The following REXO4 variants were observed in gnomAD, a reference collection of about 807,000 sequenced individuals.
REXO4 encodes the protein RNA exonuclease 4.
In REXO4, 29 loss-of-function variants were observed where a neutral mutation model predicts 39.9. The observed-to-expected ratio is 0.73, with a 90% confidence interval of 0.54 to 0.99. The LOEUF is 0.99. Ranked by LOEUF, REXO4 falls within the 50% of genes least tolerant of loss-of-function variation. REXO4 has a pLI of 0.00. For synonymous variants in REXO4, 184 were observed against 206.2 expected (o/e 0.89, Z 0.92); for missense variants, 524 against 546.5 (o/e 0.96, Z 0.41).
rs782780577 is a variant in REXO4 at position 133,417,880 on chromosome 9, C to T, written c.-36G>A. On this transcript the variant is annotated 5_prime_UTR_variant, in exon 1 of 8. Transcript: ENST00000371942. ...TCCAGCGCCTGGGCCGGCGGCCACC[C>T]GAGACCCCGGCCTCCCCGGGCCCGG... 6.3e-7 allele frequency: 1 copy of T among 1,585,674 alleles called. No individual in the cohort carries two copies. The highest frequency in any genetic ancestry group is 1.1e-5 in the South Asian group (1 of 90,510).
rs1588135487 is a variant in REXO4 at position 133,412,895 on chromosome 9, T to A, written c.599A>T (p.Asp200Val). 1.9e-6 allele frequency: 3 copies of A among 1,614,026 alleles called. No individual in the cohort carries two copies. The Middle Eastern group carries it at 4.9e-4, about 266-fold the overall frequency. The change falls in exon 3 of 8, where the codon GAC becomes GTC. Residue 200 changes from aspartate to valine, a missense_variant. Asp to Val is a radical substitution (Grantham distance 152). Transcript: ENST00000371942. Reference sequence around the variant, plus strand: ...TATGGCAGCTTCGATATCCGCTGGGTCCACGTCGTCAAACCAGATGTCTTC... The same window carrying A: ...TATGGCAGCTTCGATATCCGCTGGGACCACGTCGTCAAACCAGATGTCTTC... ...TEEDIWFDDV[D>V]PADIEAAIGP...
intron 4 of REXO4, 52 bp downstream of exon 4, chr9:133,412,247 C>A (rs977817058): frequency 3.6e-5 from 57 of 1,569,414 alleles, no homozygotes; most frequent in Admixed American, 5.0e-5. Context: ...AGGGAGAAAA[C>A]GAATCCAGTT....
Position 133,406,652 on chromosome 9 carries a change from G to A in REXO4, c.*301C>T, listed in dbSNP as rs1243781409. 4.7e-6 allele frequency: 2 copies of A among 428,284 alleles called. No individual in the cohort carries two copies. Among genetic ancestry groups the A allele is most frequent in the African/African-American group, 4.0e-5 (2 of 50,058 alleles). 26.5% of individuals were successfully genotyped at this position (428,284 alleles called of 1,614,324 possible). On this transcript the variant is annotated 3_prime_UTR_variant, in exon 8 of 8. Coordinates refer to ENST00000371942, the MANE Select transcript of REXO4 (RefSeq NM_020385.4). ...GCACCGTATGGACTGGCGGCCCACA[G>A]GCCCCAACCTCACCTGGCCCAGGGG...
In REXO4 at chr9:133,406,796, A is replaced by T; in HGVS notation, c.*157T>A. ...CCAGGTTTCAGACCACAAAGTCAAG[A>T]GGAAGGAGGACCTTCTCAGTAGCAC... On this transcript the variant is annotated 3_prime_UTR_variant, in exon 8 of 8. Transcript: ENST00000371942. 9.3e-7 allele frequency: 1 copy of T among 1,076,278 alleles called. No homozygotes were observed. The highest frequency in any genetic ancestry group is 1.3e-6 in the Non-Finnish European group (1 of 747,938). The allele number at this position is 1,076,278 out of a possible 1,614,324, so 66.7% of individuals were successfully genotyped here. A position where few individuals can be genotyped will look rare whatever the true frequency, so the allele number is the denominator to read the frequency against.
At position 133,414,667 on chromosome 9, in the gene REXO4, G is replaced by T; in HGVS notation, c.570C>A (p.Thr190=). 6.2e-7 allele frequency: 1 copy of T among 1,613,668 alleles called. No homozygotes were observed. Among genetic ancestry groups the T allele is most frequent in the Non-Finnish European group, 8.5e-7 (1 of 1,179,638 alleles). Residue 190 remains threonine (T), a splice_region_variant and synonymous_variant, in exon 2 of 8, where the codon ACC becomes ACA. Transcript: ENST00000371942. ...KAKEAAPAPP[T]EEDIWFDDVD... ...GTGGTGAGGTGGCCCATACTTACTC[G>T]GTGGGTGGGGCTGGGGCTGCCTCCT...
Position 133,408,760 on chromosome 9 carries a change from C to G in REXO4, c.1074+8G>C. The G allele has an allele frequency of 6.4e-7, 1 of 1,573,092 alleles. No homozygotes were observed. Among genetic ancestry groups the G allele is most frequent in the East Asian group, 2.2e-5 (1 of 44,642 alleles). On this transcript the variant is annotated splice_region_variant and intron_variant, in intron 6 of 7. Coordinates refer to ENST00000371942, the MANE Select transcript of REXO4 (RefSeq NM_020385.4). ...TACAGTATCTTGAGTCACACTCATT[C>G]TAAGTACCTTTACTTGACTCTTGAA...
chr9:133,408,246 G>A (rs1839019620), intron 6 of REXO4, among the ~76,000 whole-genome samples: 1 of 152,038 alleles, frequency 6.6e-6, no homozygotes, highest in East Asian at 1.9e-4. Flanking sequence ...TTGAACCCAG[G>A]AGTTTGAGAA....
intron 6 of REXO4, 71 bp downstream of exon 6, chr9:133,408,697 A>C (rs782632269): frequency 5.8e-6 from 6 of 1,031,750 alleles, no homozygotes; most frequent in Non-Finnish European, 8.9e-6. Flanking sequence ...GTCAGCCACC[A>C]GTGACCAGAA....
intron 4 of REXO4, among the ~76,000 whole-genome samples, chr9:133,411,841 G>T (rs905438463): frequency 6.6e-6 from 1 of 151,950 alleles, no homozygotes; most frequent in Non-Finnish European, 1.5e-5. Context: ...CAGGAGAATC[G>T]CTTGAACCCA....
At chr9:133,414,324 C>A in intron 2 of REXO4, 1 of 510,772 alleles carries the variant, frequency 2.0e-6, no homozygotes, top group South Asian at 1.6e-5. Flanking sequence ...TACCACAAGG[C>A]ACAGAGGACG....
At position 133,407,065 on chromosome 9, in the gene REXO4, T is replaced by C; in HGVS notation, c.1157A>G (p.Asp386Gly). ...VQQAEHCSIQ[D>G]AQAAMRLYVM... is the part of the protein sequence containing the mutation. The stretch of plus-strand genomic sequence containing the variant: ...GTACAGCCTCATTGCTGCCTGGGCA[T>C]CCTGAATCTAGACGACATGAAACAT... Residue 386 changes from aspartate to glycine, a missense_variant, in exon 8 of 8, where the codon GAT becomes GGT. Coordinates refer to ENST00000371942, the MANE Select transcript of REXO4 (RefSeq NM_020385.4). 1.9e-6 allele frequency: 3 copies of C among 1,613,038 alleles called. No homozygotes were observed. The highest frequency in any genetic ancestry group is 2.5e-6 in the Non-Finnish European group (3 of 1,179,990).
rs1554781217 is a variant in REXO4, at chr9:133,414,892, C to G, written c.345G>C (p.Lys115Asn). 1 of 1,614,050 alleles carries G rather than the reference C, an allele frequency of 6.2e-7. No individual in the cohort carries two copies. The highest frequency in any genetic ancestry group is 1.3e-5 in the African/African-American group (1 of 74,910). Residue 115 changes from lysine (K) to asparagine (N), a missense_variant, in exon 2 of 8, where the codon AAG becomes AAC. Lys to Asn is a moderately conservative substitution (Grantham distance 94, BLOSUM62 0). Transcript: ENST00000371942. ...CTTTTCCTGCCGGCATCTCCTCTCC[C>G]TTCACTTGAGGCGAGGTCTCTTTTT... ...QNKKETSPQV[K>N]GEEMPAGKDQ...
chr9:133,414,245 G>A (rs587647004), intron 2 of REXO4: 9 of 373,194 alleles, frequency 2.4e-5, no homozygotes, highest in African/African-American at 1.9e-4. Context: ...CCATCACAGG[G>A]TTGAAGTAAT....
At chr9:133,416,677 G>A (rs1839630537) in intron 1 of REXO4, among the ~76,000 whole-genome samples, 1 of 152,200 alleles carries the variant, frequency 6.6e-6, no homozygotes, top group South Asian at 2.1e-4. Context: ...TCACTAGGGA[G>A]ACAGCAGGTA....
intron 1 of REXO4, 58 bp downstream of exon 1, chr9:133,417,562 G>A: frequency 2.6e-6 from 4 of 1,563,108 alleles, no homozygotes; most frequent in African/African-American, 1.4e-5. Flanking sequence ...CTTTCCCTCC[G>A]TCGCGTTCTG....
At chr9:133,411,779 A>C (rs191916103) in intron 4 of REXO4, among the ~76,000 whole-genome samples, 1 of 152,068 alleles carries the variant, frequency 6.6e-6, no homozygotes, top group Non-Finnish European at 1.5e-5. Flanking sequence ...ATACAAAATT[A>C]GTCGGGTGTG....
intron 6 of REXO4, among the ~76,000 whole-genome samples, chr9:133,408,219 C>T (rs1301902989): frequency 6.6e-6 from 1 of 152,072 alleles, no homozygotes. Context: ...CTTAGGAGGC[C>T]AACGAGGGCA....
At chr9:133,414,276 G>A (rs1235707042) in intron 2 of REXO4, 1 of 404,768 alleles carries the variant, frequency 2.5e-6, no homozygotes, top group East Asian at 6.8e-5. Flanking sequence ...TGAGCCAAGA[G>A]TGCCAACCTC....
Position 133,414,847 on chromosome 9 carries a change from G to A in REXO4, c.390C>T (p.Gly130=). ...PAGKDQEASR[G]SVPSGSKMDR... ...CCATCTTGGAACCTGAAGGAACAGAGCCCCTGCTGGCCTCCTGGTCTTTTC... is the reference window on the plus strand; with the variant it reads ...CCATCTTGGAACCTGAAGGAACAGAACCCCTGCTGGCCTCCTGGTCTTTTC... Residue 130 remains glycine (G), a synonymous_variant, in exon 2 of 8, where the codon GGC becomes GGT. Transcript: ENST00000371942. 3 of 1,614,158 alleles carry A rather than the reference G, an allele frequency of 1.9e-6. No individual in the cohort carries two copies. Among genetic ancestry groups the A allele is most frequent in the Non-Finnish European group, 2.5e-6 (3 of 1,180,022 alleles).
Sources: gnomAD v4.1 joint callset for allele counts (sites outside exome capture counted in the v4.1 genomes callset) on GRCh38, gnomAD v4.1.1 for gene constraint, MANE v1.5 for transcripts, NCBI Gene and HGNC (gene_info 2026-07-23, HGNC 2026-07-21) for gene names.